The following LINGO2 variants were observed in gnomAD, a reference collection of about 807,000 sequenced individuals.
The protein encoded by LINGO2 is leucine rich repeat and Ig domain containing 2.
In LINGO2, 14 loss-of-function variants were observed where a neutral mutation model predicts 30.6. The ratio of observed to expected loss-of-function variants is 0.46; its 90% CI spans 0.30 to 0.72. The LOEUF (loss-of-function observed/expected upper bound fraction) is 0.72. Ranked by LOEUF, LINGO2 falls within the 30% of genes least tolerant of loss-of-function variation. The pLI is 0.07. For synonymous variants in LINGO2, 317 were observed against 288.5 expected, an observed-to-expected ratio of 1.10 and a Z score of -1.00; for missense variants, 729 against 751.7, an observed-to-expected ratio of 0.97 and a Z score of 0.35.
At chr9:28,425,780 G>T (rs918916876) in intron 2 of LINGO2, among the ~76,000 whole-genome samples, 13 of 152,008 alleles carry the variant, frequency 8.6e-5, no homozygotes, top group African/African-American at 2.7e-4. Flanking sequence ...CCTATGACCT[G>T]TGTTAATCAA....
chr9:28,912,586 G>A, the LINGO2 span, among the ~76,000 whole-genome samples: 1 of 152,100 alleles, frequency 6.6e-6, no homozygotes, highest in South Asian at 2.1e-4. Context: ...AACTGGACAA[G>A]TAACCCTTAT....
chr9:28,084,994 C>T (rs1278147393), intron 4 of LINGO2, among the ~76,000 whole-genome samples: 1 of 152,084 alleles, frequency 6.6e-6, no homozygotes, highest in Non-Finnish European at 1.5e-5. Context: ...ACTCTATGAG[C>T]ATTTTACACA....
At chr9:27,966,557 C>T (rs938836536) in intron 5 of LINGO2, among the ~76,000 whole-genome samples, 1 of 152,028 alleles carries the variant, frequency 6.6e-6, no homozygotes, top group African/African-American at 2.4e-5. Context: ...ACATCCCACA[C>T]TGGGGCCTGT....
At chr9:28,355,327 G>GTCTCTCTCTCTCTCTCTCTC (rs1820144381) in intron 3 of LINGO2, among the ~76,000 whole-genome samples, 3 of 30,690 alleles carry the variant, frequency 9.8e-5, no homozygotes, top group Admixed American at 3.4e-4. Context: ...CTCTCTCTCT[G>GTCTCTCTCTCTCTCTCTCTC]TCTCTGTCTC....
At chr9:28,607,024 T>C (rs1003528238) in intron 1 of LINGO2, among the ~76,000 whole-genome samples, 2 of 152,054 alleles carry the variant, frequency 1.3e-5, no homozygotes, top group African/African-American at 4.8e-5. Flanking sequence ...AATTGAAACA[T>C]TCAGTAACGT....
the LINGO2 span, among the ~76,000 whole-genome samples, chr9:28,761,190 A>T: frequency 6.6e-6 from 1 of 152,014 alleles, no homozygotes; most frequent in Non-Finnish European, 1.5e-5. Context: ...TGAGAAAAGG[A>T]TAAGTTAATC....
At chr9:28,487,269 T>C (rs904649447) in intron 1 of LINGO2, among the ~76,000 whole-genome samples, 4 of 152,184 alleles carry the variant, frequency 2.6e-5, no homozygotes, top group African/African-American at 9.6e-5. Context: ...TCTTTTAGTA[T>C]GCTTTTCTCA....
At chr9:29,012,297 G>T in the LINGO2 span, among the ~76,000 whole-genome samples, 2 of 152,066 alleles carry the variant, frequency 1.3e-5, no homozygotes, top group Admixed American at 6.6e-5. Flanking sequence ...GGCGGAGGCT[G>T]CAGTGAGCTG....
chr9:28,608,132 A>G (rs1463922927), intron 1 of LINGO2, among the ~76,000 whole-genome samples: 1 of 145,794 alleles, frequency 6.9e-6, no homozygotes, highest in African/African-American at 2.5e-5. Flanking sequence ...ACACTTTTTA[A>G]TTACATTCTG....
chr9:28,095,292 C>T (rs1353969667), intron 4 of LINGO2, among the ~76,000 whole-genome samples: 1 of 152,032 alleles, frequency 6.6e-6, no homozygotes, highest in Non-Finnish European at 1.5e-5. Context: ...CGCCGTATCC[C>T]AACTACTCAG....
At chr9:28,023,493 G>A (rs894430686) in intron 4 of LINGO2, among the ~76,000 whole-genome samples, 16 of 152,142 alleles carry the variant, frequency 1.1e-4, no homozygotes, top group African/African-American at 3.9e-4. Flanking sequence ...GTGGTAAGGT[G>A]TAGAGAGGGA....
chr9:27,990,469 C>CCG (rs1554650650), intron 5 of LINGO2, among the ~76,000 whole-genome samples: 6 of 124,252 alleles, frequency 4.8e-5, no homozygotes, highest in Non-Finnish European at 9.2e-5. Flanking sequence ...AATACCCCCC[C>CCG]CCCTTTTATT....
intron 2 of LINGO2, among the ~76,000 whole-genome samples, chr9:28,435,488 G>C (rs190836454): frequency 1.3e-5 from 2 of 152,234 alleles, no homozygotes; most frequent in East Asian, 1.9e-4. Flanking sequence ...GCTCACAAAC[G>C]TTCTAATGAT....
At chr9:28,759,241 G>C in the LINGO2 span, among the ~76,000 whole-genome samples, 2 of 152,016 alleles carry the variant, frequency 1.3e-5, no homozygotes, top group Non-Finnish European at 2.9e-5. Flanking sequence ...CTTGGATGCT[G>C]TATAAAAGAT....
the LINGO2 span, among the ~76,000 whole-genome samples, chr9:28,790,072 A>G: frequency 6.6e-6 from 1 of 152,196 alleles, no homozygotes; most frequent in South Asian, 2.1e-4. Context: ...CCAGAAATAA[A>G]TATCTCATAA....
the LINGO2 span, among the ~76,000 whole-genome samples, chr9:28,819,269 C>G: frequency 6.6e-6 from 1 of 152,162 alleles, no homozygotes; most frequent in Non-Finnish European, 1.5e-5. Context: ...ACCCTTTCAT[C>G]CAATTCTTTT....
intron 4 of LINGO2, among the ~76,000 whole-genome samples, chr9:28,048,065 A>G (rs1440802172): frequency 1.3e-5 from 2 of 150,994 alleles, no homozygotes; most frequent in Non-Finnish European, 2.9e-5. Context: ...TTAAAACTGC[A>G]TGTACTGGCA....
chr9:28,797,349 TATATATATATAG>T, the LINGO2 span, among the ~76,000 whole-genome samples: 493 of 64,462 alleles, frequency 7.6e-3, 1 homozygote, highest in African/African-American at 0.024. Flanking sequence ...TATATATATA[TATATATATATAG>T]AGAGAGAGAG....
intron 4 of LINGO2, among the ~76,000 whole-genome samples, chr9:28,120,179 C>A (rs890945652): frequency 1.3e-4 from 20 of 152,242 alleles, no homozygotes; most frequent in Admixed American, 1.2e-3. Flanking sequence ...ATAAAAGCCT[C>A]GGCTGCTATC....
Sources: allele counts gnomAD v4.1 joint callset (sites outside exome capture counted in the v4.1 genomes callset), GRCh38; gene constraint gnomAD v4.1.1; transcripts MANE v1.5; gene names NCBI Gene and HGNC (gene_info 2026-07-23, HGNC 2026-07-21).